The following PCDH11X variants were observed in gnomAD, a reference collection of about 807,000 sequenced individuals.
The protein encoded by PCDH11X is protocadherin 11 X-linked.
A neutral mutation model predicts 53.3 loss-of-function variants in PCDH11X; 18 were observed. The observed-to-expected ratio is 0.34, with a 90% CI of 0.23 to 0.50. The LOEUF (loss-of-function observed/expected upper bound fraction) is 0.50. Ranked by LOEUF, PCDH11X falls within the 20% of genes least tolerant of loss-of-function variation. The pLI is 0.98. For missense variants in PCDH11X, 570 were observed against 1,032.4 expected (o/e 0.55, Z 6.14); for synonymous variants, 279 against 393.3 (o/e 0.71, Z 3.44).
At chrX:92,184,198 G>T (rs1405936549) in intron 6 of PCDH11X, among the ~76,000 whole-genome samples, 1 of 111,522 alleles carries the variant, frequency 9.0e-6, no homozygotes, top group Non-Finnish European at 1.9e-5. Context: ...AATGTCATGA[G>T]ATTTTATATA....
At chrX:92,399,367 G>C (rs957065246) in intron 9 of PCDH11X, among the ~76,000 whole-genome samples, 1 of 109,897 alleles carries the variant, frequency 9.1e-6, no homozygotes, top group Non-Finnish European at 1.9e-5. Context: ...TGTTGGTGTG[G>C]GGGCTACACT....
At chrX:92,250,836 G>T (rs1349513043) in intron 7 of PCDH11X, among the ~76,000 whole-genome samples, 1 of 109,013 alleles carries the variant, frequency 9.2e-6, no homozygotes, top group Non-Finnish European at 1.9e-5. Flanking sequence ...AAATTTGGGG[G>T]TTGAGAAATG....
intron 9 of PCDH11X, among the ~76,000 whole-genome samples, chrX:92,464,648 A>G (rs1345846680): frequency 9.0e-6 from 1 of 111,217 alleles, no homozygotes; most frequent in East Asian, 2.8e-4. Context: ...ATTTGAATAG[A>G]AAATTTGATT....
Position 91,980,979 on chromosome X carries a change from AATAT to A in PCDH11X, c.3033+101720_3033+101723del, listed in dbSNP as rs3083658. On this transcript the variant is annotated intron_variant, in intron 6 of 10. Transcript: ENST00000682573. ...TGTATATATATATATATATACACTG[AATAT>A]ATATATATATATACACTGAATATAT... Among the ~76,000 whole-genome samples the A allele has an allele frequency of 2.3e-3, 218 of 95,911 alleles. 2 individuals carry two copies. The highest frequency in any genetic ancestry group is 7.4e-3 in the African/African-American group (193 of 26,034). 83.3% of individuals were successfully genotyped at this position (95,911 alleles called of 115,157 possible).
intron 6 of PCDH11X, among the ~76,000 whole-genome samples, chrX:92,108,838 A>C (rs1392041324): frequency 9.0e-6 from 1 of 111,435 alleles, no homozygotes; most frequent in Non-Finnish European, 1.9e-5. Context: ...ATTAACCTAA[A>C]TTATGTCCTG....
chrX:92,101,422 T>C (rs1392279412), intron 6 of PCDH11X, among the ~76,000 whole-genome samples: 1 of 111,432 alleles, frequency 9.0e-6, no homozygotes, highest in East Asian at 2.8e-4. Context: ...CCAGTCCTTT[T>C]TGGTGGCTGA....
chrX:92,370,648 C>T (rs112059685), intron 8 of PCDH11X, among the ~76,000 whole-genome samples: 20,447 of 108,688 alleles, frequency 0.19, 1,548 homozygotes, highest in Non-Finnish European at 0.22. Context: ...TTAGTAGAGA[C>T]GGGGTTTCAC....
At chrX:92,378,080 G>A (rs1473555773) in intron 8 of PCDH11X, among the ~76,000 whole-genome samples, 2 of 104,942 alleles carry the variant, frequency 1.9e-5, no homozygotes, top group Non-Finnish European at 3.9e-5. Flanking sequence ...TCTACAAAGA[G>A]GGTATATGAG....
chrX:92,254,048 A>G (rs888527294), intron 7 of PCDH11X, among the ~76,000 whole-genome samples: 1 of 111,842 alleles, frequency 8.9e-6, no homozygotes, highest in Non-Finnish European at 1.9e-5. Flanking sequence ...TTTTTTTCTC[A>G]TTAAGTATGT....
At chrX:92,129,542 T>C (rs2064934074) in intron 6 of PCDH11X, among the ~76,000 whole-genome samples, 1 of 112,304 alleles carries the variant, frequency 8.9e-6, no homozygotes, top group Non-Finnish European at 1.9e-5. Context: ...GGAGACTTCA[T>C]GAGGAAATGA....
At chrX:91,800,108 A>G (rs928332787) in intron 1 of PCDH11X, among the ~76,000 whole-genome samples, 5 of 111,699 alleles carry the variant, frequency 4.5e-5, no homozygotes, top group African/African-American at 1.6e-4. Flanking sequence ...ATATTTTTAC[A>G]TAACACTTTT....
At chrX:92,280,597 G>A (rs6522513) in intron 8 of PCDH11X, among the ~76,000 whole-genome samples, 5,363 of 109,583 alleles carry the variant, frequency 0.049, 305 homozygotes, top group East Asian at 0.24. Flanking sequence ...TGACATATGA[G>A]TATACTTTAT....
intron 10 of PCDH11X, among the ~76,000 whole-genome samples, chrX:92,580,616 C>G (rs1376290200): frequency 9.0e-6 from 1 of 111,243 alleles, no homozygotes; most frequent in African/African-American, 3.3e-5. Context: ...CCTACTGAAG[C>G]TGCAGTGATG....
chrX:92,466,228 T>C (rs1053042450), intron 9 of PCDH11X, among the ~76,000 whole-genome samples: 1 of 111,056 alleles, frequency 9.0e-6, no homozygotes, highest in Non-Finnish European at 1.9e-5. Flanking sequence ...GTCATAATGA[T>C]TCACATAGAC....
rs367906861 is a variant in PCDH11X at position 91,877,251 on chromosome X, A to G, written c.1011A>G (p.Ala337=). 492 of 1,072,967 alleles carry G rather than the reference A, an allele frequency of 4.6e-4. 2 individuals carry two copies. The African/African-American group carries it at 8.8e-3, about 19-fold the overall frequency. The allele number at this position is 1,072,967 out of a possible 1,213,427, so 88.4% of individuals were successfully genotyped here. A position where few individuals can be genotyped will look rare whatever the true frequency, so the allele number is the denominator to read the frequency against. ...CAAGTGATGGTGGATTGATGCCAGC[A>G]AGAGCAATGGTGCTGGTAAATGTTA... ...VLASDGGLMP[A]RAMVLVNVTD... Residue 337 remains alanine, a synonymous_variant, in exon 6 of 11, where the codon GCA becomes GCG. Transcript: ENST00000682573.
At chrX:92,257,933 G>A (rs1255023271) in intron 7 of PCDH11X, among the ~76,000 whole-genome samples, 3 of 112,137 alleles carry the variant, frequency 2.7e-5, no homozygotes, top group Non-Finnish European at 5.6e-5. Flanking sequence ...GTGCCCCAGA[G>A]GGGACTGTGT....
At chrX:92,561,722 A>G (rs1368442376) in intron 10 of PCDH11X, among the ~76,000 whole-genome samples, 1 of 109,225 alleles carries the variant, frequency 9.2e-6, no homozygotes, top group Admixed American at 9.9e-5. Context: ...GGAAAGAGGT[A>G]TAGGCAGAAA....
At chrX:92,230,448 ATATAATT>A (rs1466959455) in intron 7 of PCDH11X, among the ~76,000 whole-genome samples, 880 of 13,361 alleles carry the variant, frequency 0.066, 23 homozygotes, top group African/African-American at 0.072. Flanking sequence ...ATATATTTAT[ATATAATT>A]TATAAAATAT....
chrX:92,355,417 CAAAAAAAAAAAAA>C (rs57339128), intron 8 of PCDH11X, among the ~76,000 whole-genome samples: 18 of 23,588 alleles, frequency 7.6e-4, no homozygotes, highest in East Asian at 1.9e-3. Flanking sequence ...GACTCCGTCT[CAAAAAAAAAAAAA>C]AAAAAAAAAA....
Sources: allele counts gnomAD v4.1 joint callset (sites outside exome capture counted in the v4.1 genomes callset), GRCh38; gene constraint gnomAD v4.1.1; transcripts MANE v1.5; gene names NCBI Gene and HGNC (gene_info 2026-07-23, HGNC 2026-07-21).